The following PRAG1 variants were observed in gnomAD, a reference collection of about 807,000 sequenced individuals.
PRAG1 encodes PEAK1 related, kinase-activating pseudokinase 1.
Under a neutral mutation model 95.6 loss-of-function variants are expected in PRAG1, and 110 were observed. That is an observed-to-expected ratio of 1.15 (90% confidence interval 0.99 to 1.35). The LOEUF is 1.35. Ranked by LOEUF, PRAG1 falls within the 40% of genes most tolerant of loss-of-function variation. The pLI is 0.00. For missense variants in PRAG1, 2,554 were observed against 1,864.7 expected (o/e 1.37, Z -6.81); for synonymous variants, 1,052 against 819.4 (o/e 1.28, Z -4.85).
At chr8:8,384,180 C>G (rs1045233408) in intron 1 of PRAG1, among the ~76,000 whole-genome samples, 1 of 152,138 alleles carries the variant, frequency 6.6e-6, no homozygotes, top group African/African-American at 2.4e-5. Flanking sequence ...CACAAAGCAG[C>G]AGTTCTGCTT....
intron 3 of PRAG1, among the ~76,000 whole-genome samples, chr8:8,358,462 G>C (rs927920037): frequency 1.3e-5 from 2 of 152,212 alleles, no homozygotes; most frequent in African/African-American, 4.8e-5. Flanking sequence ...GTGGGTTGGA[G>C]TGGGACTGAA....
In PRAG1 at chr8:8,377,539, C is replaced by T. The variant is rs762874085; in HGVS notation, c.870G>A (p.Glu290=). The change falls in exon 3 of 6, where the codon GAG becomes GAA. Residue 290 remains glutamate (E), a synonymous_variant. Coordinates refer to ENST00000615670, the MANE Select transcript of PRAG1 (RefSeq NM_001080826.3). The part of the protein sequence containing the change: ...GGRDCSPTCW[E]QGKCSGPAEQ... ...CTGCGGGCCCGGAACACTTCCCCTG[C>T]TCCCAGCACGTGGGTGAGCAGTCCC... 2.5e-6 allele frequency: 4 copies of T among 1,591,820 alleles called. No homozygotes were observed. Among genetic ancestry groups the T allele is most frequent in the African/African-American group, 1.3e-5 (1 of 74,612 alleles).
At chr8:8,364,050 A>G (rs1207328860) in intron 3 of PRAG1, among the ~76,000 whole-genome samples, 2 of 152,184 alleles carry the variant, frequency 1.3e-5, no homozygotes, top group African/African-American at 4.8e-5. Flanking sequence ...TGTTATGACA[A>G]ACTTCCTTGT....
In PRAG1 at chr8:8,377,923, G is replaced by A. The variant is rs55789143; in HGVS notation, c.486C>T (p.Val162=). ...NSRCPPAYTM[V]GLHNLEPRGE... ...CGCGGGGCTCAAGGTTGTGCAGGCC[G>A]ACCATGGTGTAAGCTGGGGGACAGC... Residue 162 remains valine, a synonymous_variant, in exon 3 of 6, where the codon GTC becomes GTT. Transcript: ENST00000615670. 2.4e-5 allele frequency: 39 copies of A among 1,613,914 alleles called. No individual in the cohort carries two copies. Among genetic ancestry groups the A allele is most frequent in the African/African-American group, 5.3e-5 (4 of 74,892 alleles).
intron 3 of PRAG1, among the ~76,000 whole-genome samples, chr8:8,347,337 T>A (rs1563239689): frequency 1.3e-5 from 2 of 152,166 alleles, no homozygotes; most frequent in Admixed American, 1.3e-4. Flanking sequence ...GCTCTCTGTT[T>A]CCCCTCAGTT....
intron 5 of PRAG1, 86 bp downstream of exon 5, chr8:8,327,624 G>A (rs1798672520): frequency 2.8e-6 from 4 of 1,441,068 alleles, no homozygotes; most frequent in African/African-American, 1.4e-5. Flanking sequence ...GCCCAGACAG[G>A]TGAAATGACT....
chr8:8,337,476 G>C (rs528218259), intron 4 of PRAG1, among the ~76,000 whole-genome samples: 104 of 151,644 alleles, frequency 6.9e-4, no homozygotes, highest in Non-Finnish European at 1.1e-3. Flanking sequence ...AAAGAAGAGA[G>C]AGAGAGAGAG....
Position 8,319,134 on chromosome 8 carries a change from G to A in PRAG1, c.3241C>T (p.Pro1081Ser), listed in dbSNP as rs199632492. 1.9e-4 allele frequency: 302 copies of A among 1,605,640 alleles called. No homozygotes were observed. Among genetic ancestry groups the A allele is most frequent in the South Asian group, 2.0e-4 (18 of 90,548 alleles). ...DPVPALPTHP[P>S]AQEQDCVVVI... ...ACCACGCAGTCCTGCTCCTGGGCAG[G>A]GGGGTGTGTGGGCAGGGCAGGCACA... Residue 1081 changes from proline to serine, a missense_variant, in exon 6 of 6, where the codon CCT (proline) becomes TCT (serine). By Grantham distance (74) the Pro-to-Ser change is moderately conservative. Transcript: ENST00000615670.
At chr8:8,329,433 T>C (rs977290910) in intron 4 of PRAG1, among the ~76,000 whole-genome samples, 2 of 152,100 alleles carry the variant, frequency 1.3e-5, no homozygotes, top group African/African-American at 4.8e-5. Context: ...AGGAAATGTG[T>C]ACTTAGGATG....
chr8:8,383,756 G>T (rs181064036), intron 1 of PRAG1, among the ~76,000 whole-genome samples: 6 of 152,120 alleles, frequency 3.9e-5, no homozygotes, highest in African/African-American at 1.4e-4. Context: ...CAAGTAGCAG[G>T]TTCCTTCTTT....
intron 4 of PRAG1, among the ~76,000 whole-genome samples, chr8:8,332,124 C>A (rs1056347572): frequency 2.0e-5 from 3 of 150,736 alleles, no homozygotes; most frequent in Non-Finnish European, 3.0e-5. Flanking sequence ...GAAATGTGGA[C>A]TTCACAGGGA....
At chr8:8,325,147 G>C (rs546475553) in intron 5 of PRAG1, among the ~76,000 whole-genome samples, 50 of 152,344 alleles carry the variant, frequency 3.3e-4, no homozygotes, top group African/African-American at 1.1e-3. Context: ...CGGATCCCCA[G>C]ATGACTGTAT....
chr8:8,383,833 T>A (rs1163319988), intron 1 of PRAG1, among the ~76,000 whole-genome samples: 6 of 152,160 alleles, frequency 3.9e-5, no homozygotes, highest in Non-Finnish European at 8.8e-5. Context: ...TTTGTCTTTC[T>A]CTTATAATCT....
intron 3 of PRAG1, among the ~76,000 whole-genome samples, chr8:8,371,329 C>T (rs1268034801): frequency 1.3e-5 from 2 of 151,732 alleles, no homozygotes; most frequent in African/African-American, 2.4e-5. Flanking sequence ...GGTGCGATCT[C>T]GGCTCCCTGC....
chr8:8,370,013 G>T (rs1437899537), intron 3 of PRAG1, among the ~76,000 whole-genome samples: 1 of 152,138 alleles, frequency 6.6e-6, no homozygotes, highest in African/African-American at 2.4e-5. Context: ...CTTGCACAGA[G>T]CCCACTCAAA....
intron 2 of PRAG1, among the ~76,000 whole-genome samples, chr8:8,378,961 G>A (rs980444170): frequency 5.3e-5 from 8 of 151,938 alleles, no homozygotes; most frequent in African/African-American, 1.2e-4. Context: ...TTTCTGAACC[G>A]GATCAGGGTG....
At chr8:8,329,532 C>A (rs1563229580) in intron 4 of PRAG1, among the ~76,000 whole-genome samples, 1 of 151,910 alleles carries the variant, frequency 6.6e-6, no homozygotes, top group Non-Finnish European at 1.5e-5. Context: ...GGCAGTAGGA[C>A]CAGAAAACAA....
chr8:8,379,320 T>C (rs1050211799), intron 2 of PRAG1, among the ~76,000 whole-genome samples: 1 of 152,222 alleles, frequency 6.6e-6, no homozygotes, highest in African/African-American at 2.4e-5. Context: ...TTACCATCCC[T>C]GAAGTCACCG....
intron 3 of PRAG1, among the ~76,000 whole-genome samples, chr8:8,355,132 C>T (rs1415236232): frequency 6.6e-6 from 1 of 151,744 alleles, no homozygotes; most frequent in East Asian, 1.9e-4. Flanking sequence ...AAAAACAATC[C>T]AGGTGAAAAA....
Sources: gnomAD v4.1 joint callset for allele counts (sites outside exome capture counted in the v4.1 genomes callset) on GRCh38, gnomAD v4.1.1 for gene constraint, MANE v1.5 for transcripts, NCBI Gene and HGNC (gene_info 2026-07-23, HGNC 2026-07-21) for gene names.